The following ZNF609 variants were observed in gnomAD, a reference collection of about 807,000 sequenced individuals.
ZNF609 encodes the protein zinc finger protein 609.
In ZNF609, 11 loss-of-function variants were observed where a neutral mutation model predicts 109.5. That is an observed-to-expected ratio of 0.10 (90% confidence interval 0.06 to 0.17). The LOEUF (loss-of-function observed/expected upper bound fraction) is 0.17, where lower values mean the gene tolerates loss of function less well. Among genes scored for constraint, ZNF609 ranks in the 10% least tolerant of loss-of-function variants. The pLI is 1.00. For synonymous variants in ZNF609, 646 were observed against 662.0 expected (o/e 0.98, Z 0.37); for missense variants, 1,559 against 1,772.4 (o/e 0.88, Z 2.16).
intron 3 of ZNF609, among the ~76,000 whole-genome samples, chr15:64,668,790 C>T (rs889579541): frequency 2.6e-5 from 4 of 151,660 alleles, no homozygotes; most frequent in African/African-American, 9.7e-5. Flanking sequence ...TCTGTCTCTA[C>T]TAAAAATACA....
chr15:64,481,539 C>T (rs913083995), intron 1 of ZNF609, among the ~76,000 whole-genome samples: 2 of 151,818 alleles, frequency 1.3e-5, no homozygotes, highest in East Asian at 3.9e-4. Context: ...AGGCTGGTCT[C>T]GAACTCCCGA....
chr15:64,594,886 C>T (rs1331497863), intron 2 of ZNF609, among the ~76,000 whole-genome samples: 21 of 150,392 alleles, frequency 1.4e-4, no homozygotes, highest in Admixed American at 6.0e-4. Context: ...ATTAGCCGGG[C>T]GCAGTGGCGG....
intron 2 of ZNF609, among the ~76,000 whole-genome samples, chr15:64,506,098 C>A (rs1305924762): frequency 1.3e-5 from 2 of 152,084 alleles, no homozygotes; most frequent in Non-Finnish European, 2.9e-5. Flanking sequence ...ATTGTTCTTC[C>A]TCAGTTTTCT....
chr15:64,562,413 A>C (rs1894694945), intron 2 of ZNF609, among the ~76,000 whole-genome samples: 1 of 152,248 alleles, frequency 6.6e-6, no homozygotes, highest in Non-Finnish European at 1.5e-5. Flanking sequence ...ACAACTAGAA[A>C]GAAGCAGAAG....
rs1345419411 is a variant in ZNF609, at chr15:64,679,648, A to G, written c.3770-537A>G. Among the ~76,000 whole-genome samples the G allele has an allele frequency of 3.9e-5, 6 of 152,354 alleles. No individual in the cohort carries two copies. In the East Asian group the frequency reaches 1.2e-3, roughly 29 times the overall value. ...CCCTGTCACTCACACCCATCAATATAAAAATCATAGTTGCATTTGTTGAGT... is the reference window on the plus strand; with the variant it reads ...CCCTGTCACTCACACCCATCAATATGAAAATCATAGTTGCATTTGTTGAGT... On this transcript the variant is annotated intron_variant, in intron 6 of 9. Transcript: ENST00000326648.
rs1896864174 is a variant in ZNF609, at chr15:64,680,279, G to C, written c.3864G>C (p.Val1288=). The C allele has an allele frequency of 6.2e-7, 1 of 1,614,212 alleles. No individual in the cohort carries two copies. Among genetic ancestry groups the C allele is most frequent in the Non-Finnish European group, 8.5e-7 (1 of 1,180,054 alleles). ...ACAAGGCACGAGCCAGCCCCAGTGTGACTTGTAAATCCAGCTCAGAGTCCA... is the reference window on the plus strand; with the variant it reads ...ACAAGGCACGAGCCAGCCCCAGTGTCACTTGTAAATCCAGCTCAGAGTCCA... ...DADKARASPS[V]TCKSSSESKA... is the part of the protein sequence containing the mutation. Residue 1288 remains valine, a synonymous_variant, in exon 7 of 10, where the codon GTG becomes GTC. Transcript: ENST00000326648.
At chr15:64,529,663 C>T (rs977092670) in intron 2 of ZNF609, 42 of 762,802 alleles carry the variant, frequency 5.5e-5, no homozygotes, top group Non-Finnish European at 8.5e-5. Context: ...TGACCTTCAC[C>T]TTACCCATGG....
Position 64,508,852 on chromosome 15 carries a change from G to A in ZNF609, c.747+8686G>A, listed in dbSNP as rs942419766. Among the ~76,000 whole-genome samples, 8 of 107,894 alleles carry A rather than the reference G, an allele frequency of 7.4e-5. 1 individual carries two copies. The highest frequency in any genetic ancestry group is 1.9e-4 in the African/African-American group (7 of 37,004). 70.8% of individuals were successfully genotyped at this position (107,894 alleles called of 152,430 possible). ...TGGGACTACAGGTGTGTGCCATCAC[G>A]CCCAACTAATTTTTAAATTTTTTTA... On this transcript the variant is annotated intron_variant, in intron 2 of 9. Coordinates refer to ENST00000326648, the MANE Select transcript of ZNF609 (RefSeq NM_015042.2).
At chr15:64,614,234 CTT>C (rs749012449) in intron 2 of ZNF609, among the ~76,000 whole-genome samples, 13 of 128,334 alleles carry the variant, frequency 1.0e-4, no homozygotes, top group Admixed American at 3.1e-4. Context: ...TTCTGTATTT[CTT>C]TTTTTTTTTT....
At chr15:64,477,380 T>G (rs1893188942) in intron 1 of ZNF609, among the ~76,000 whole-genome samples, 1 of 151,954 alleles carries the variant, frequency 6.6e-6, no homozygotes, top group African/African-American at 2.4e-5. Flanking sequence ...GACCTCGTGA[T>G]CCGCCGGCCT....
In ZNF609 at chr15:64,675,251, G is replaced by A. The variant is rs760575302; in HGVS notation, c.2397G>A (p.Thr799=). 5.6e-6 allele frequency: 9 copies of A among 1,613,882 alleles called. No individual in the cohort carries two copies. The highest frequency in any genetic ancestry group is 2.2e-5 in the South Asian group (2 of 91,092). Residue 799 remains threonine, a synonymous_variant, in exon 5 of 10, where the codon ACG becomes ACA. Transcript: ENST00000326648. ...AAGCCGACAAGATCTACAGTTTCAC[G>A]GACAATGCCCCCAGCCCTTCCATTG... The part of the protein sequence containing the change: ...KAEADKIYSF[T]DNAPSPSIGG...
intron 2 of ZNF609, among the ~76,000 whole-genome samples, chr15:64,603,997 C>CAAAAAAAA (rs34675102): frequency 1.5e-5 from 1 of 65,206 alleles, no homozygotes; most frequent in Non-Finnish European, 3.0e-5. Context: ...GACTCCGTCT[C>CAAAAAAAA]AAAAAAAAAA....
At chr15:64,601,418 A>G (rs112589635) in intron 2 of ZNF609, among the ~76,000 whole-genome samples, 3 of 152,338 alleles carry the variant, frequency 2.0e-5, no homozygotes, top group South Asian at 2.1e-4. Context: ...GAGGAAGGTA[A>G]TAGAGCTAAT....
Position 64,682,193 on chromosome 15 carries a change from G to A in ZNF609, c.*507G>A, listed in dbSNP as rs990939045. The A allele has an allele frequency of 5.9e-5, 9 of 152,610 alleles. No homozygotes were observed. The highest frequency in any genetic ancestry group is 1.7e-4 in the African/African-American group (7 of 41,434). 9.5% of individuals were successfully genotyped at this position (152,610 alleles called of 1,614,324 possible). A position where few individuals can be genotyped will look rare whatever the true frequency, so the allele number is the denominator to read the frequency against. ...CATCTCCCTAGTGCTTTGCACCCTGGGAATTGGCAGCATGTGGAGGAACTA... is the reference window on the plus strand; with the variant it reads ...CATCTCCCTAGTGCTTTGCACCCTGAGAATTGGCAGCATGTGGAGGAACTA... On this transcript the variant is annotated 3_prime_UTR_variant, in exon 10 of 10. Coordinates refer to ENST00000326648, the MANE Select transcript of ZNF609 (RefSeq NM_015042.2).
rs908639802 is a variant in ZNF609, at chr15:64,631,432, G to A, written c.973+8380G>A. 37 of 732,750 alleles carry A rather than the reference G, an allele frequency of 5.0e-5. No homozygotes were observed. The Middle Eastern group carries it at 7.1e-4, about 14-fold the overall frequency. The allele number at this position is 732,750 out of a possible 1,614,324, so 45.4% of individuals were successfully genotyped here. A position where few individuals can be genotyped will look rare whatever the true frequency, so the allele number is the denominator to read the frequency against. On this transcript the variant is annotated intron_variant, in intron 3 of 9. Transcript: ENST00000326648. ...CAGTTTAGCCGTGGTAACACTTGTG[G>A]GGCATTCCTTTTTGAACAGTACCCA... is the stretch of plus-strand genomic sequence containing the variant.
At chr15:64,575,830 A>C (rs2140418321) in intron 2 of ZNF609, among the ~76,000 whole-genome samples, 1 of 152,178 alleles carries the variant, frequency 6.6e-6, no homozygotes, top group African/African-American at 2.4e-5. Flanking sequence ...TGGCCGGGCA[A>C]GGTGGCTCAC....
chr15:64,520,889 C>T (rs955526556), intron 2 of ZNF609, among the ~76,000 whole-genome samples: 3 of 152,146 alleles, frequency 2.0e-5, no homozygotes, highest in Non-Finnish European at 4.4e-5. Flanking sequence ...TCTTTCTTCC[C>T]ACCTTCTCTG....
intron 2 of ZNF609, among the ~76,000 whole-genome samples, chr15:64,576,949 C>CATATATGTATATATACACATATATAT (rs1567018981): frequency 1.9e-5 from 1 of 52,188 alleles, no homozygotes; most frequent in African/African-American, 5.2e-5. Flanking sequence ...TAAATATATA[C>CATATATGTATATATACACATATATAT]ATATATGTAT....
At chr15:64,540,478 C>T (rs564727759) in intron 2 of ZNF609, among the ~76,000 whole-genome samples, 1 of 152,074 alleles carries the variant, frequency 6.6e-6, no homozygotes, top group African/African-American at 2.4e-5. Context: ...AATCTTGACT[C>T]ATTGCAACCT....
Sources: allele counts gnomAD v4.1 joint callset (sites outside exome capture counted in the v4.1 genomes callset), GRCh38; gene constraint gnomAD v4.1.1; transcripts MANE v1.5; gene names NCBI Gene and HGNC (gene_info 2026-07-23, HGNC 2026-07-21).